The following PCDH11X variants were observed in gnomAD, a reference collection of about 807,000 sequenced individuals.
PCDH11X encodes the protein protocadherin-11 X-linked.
PCDH11X carries 18 observed loss-of-function variants against 53.3 expected under a neutral mutation model. The observed-to-expected ratio is 0.34, with a 90% CI of 0.23 to 0.50. The LOEUF (loss-of-function observed/expected upper bound fraction) is 0.50, where lower values mean the gene tolerates loss of function less well. PCDH11X is among the 20% of genes least tolerant of loss of function. PCDH11X has a pLI of 0.98. For synonymous variants in PCDH11X, 279 were observed against 393.3 expected (o/e 0.71, Z 3.44); for missense variants, 570 against 1,032.4 (o/e 0.55, Z 6.14).
intron 6 of PCDH11X, among the ~76,000 whole-genome samples, chrX:91,880,429 G>A (rs1213644852): frequency 1.8e-5 from 2 of 111,168 alleles, no homozygotes; most frequent in Non-Finnish European, 3.8e-5. Context: ...CCAAAAGTTC[G>A]AGATATTAAA....
At chrX:92,411,193 C>A (rs2071638062) in intron 9 of PCDH11X, among the ~76,000 whole-genome samples, 1 of 109,788 alleles carries the variant, frequency 9.1e-6, no homozygotes, top group Non-Finnish European at 1.9e-5. Flanking sequence ...TTGAGTAGGT[C>A]AATGCTATAA....
intron 6 of PCDH11X, among the ~76,000 whole-genome samples, chrX:91,944,010 T>G (rs1389536202): frequency 1.1e-5 from 1 of 90,237 alleles, no homozygotes; most frequent in African/African-American, 3.9e-5. Context: ...ATCCCAAAGC[T>G]GTATCTCCTG....
chrX:92,449,109 A>G (rs965861349), intron 9 of PCDH11X, among the ~76,000 whole-genome samples: 10 of 111,944 alleles, frequency 8.9e-5, no homozygotes, highest in African/African-American at 3.2e-4. Flanking sequence ...TTGATTCAGA[A>G]AAGATAGATC....
chrX:92,485,952 A>G (rs997242452), intron 10 of PCDH11X, among the ~76,000 whole-genome samples: 9 of 110,952 alleles, frequency 8.1e-5, no homozygotes, highest in Non-Finnish European at 1.1e-4. Flanking sequence ...TTGTATTATA[A>G]TAGATTATCA....
chrX:92,550,936 A>G (rs1335626236), intron 10 of PCDH11X, among the ~76,000 whole-genome samples: 1 of 109,717 alleles, frequency 9.1e-6, no homozygotes, highest in African/African-American at 3.3e-5. Context: ...TTTTATGGCT[A>G]AATAGTACTC....
Position 92,215,124 on chromosome X carries a change from C to T in PCDH11X, c.3114+13669C>T, listed in dbSNP as rs746869811. 4.1e-3 allele frequency among the ~76,000 whole-genome samples: 456 copies of T among 111,173 alleles called. 2 individuals carry two copies. Among genetic ancestry groups the T allele is most frequent in the Non-Finnish European group, 7.0e-3 (369 of 52,959 alleles). On this transcript the variant is annotated intron_variant, in intron 7 of 10. Transcript: ENST00000682573. Reference sequence around the variant, plus strand: ...GGTCTACAGCTCCCAGCGTGAGCGACGCAGAAGACGGGTGATTTCTGCATT... The same window carrying T: ...GGTCTACAGCTCCCAGCGTGAGCGATGCAGAAGACGGGTGATTTCTGCATT...
chrX:92,609,653 G>C (rs1927160607), intron 10 of PCDH11X, among the ~76,000 whole-genome samples: 1 of 110,126 alleles, frequency 9.1e-6, no homozygotes, highest in Non-Finnish European at 1.9e-5. Flanking sequence ...GATTCAGGGG[G>C]TACATGTGCA....
intron 6 of PCDH11X, among the ~76,000 whole-genome samples, chrX:92,123,563 C>T (rs1166594612): frequency 3.7e-5 from 4 of 107,422 alleles, no homozygotes; most frequent in Non-Finnish European, 5.7e-5. Flanking sequence ...CTAATACTGG[C>T]CCAGTTTCTC....
chrX:91,968,260 T>A (rs1483488203), intron 6 of PCDH11X, among the ~76,000 whole-genome samples: 1 of 111,692 alleles, frequency 9.0e-6, no homozygotes, highest in Admixed American at 9.5e-5. Context: ...TGTGCTGTTT[T>A]AATATTTTTT....
chrX:92,478,676 T>G (rs2073440305), intron 10 of PCDH11X, among the ~76,000 whole-genome samples: 2 of 111,263 alleles, frequency 1.8e-5, no homozygotes, highest in African/African-American at 6.5e-5. Context: ...CATTTAATTG[T>G]ATGGTTGTGA....
chrX:92,509,679 A>G (rs1410342946), intron 10 of PCDH11X, among the ~76,000 whole-genome samples: 3 of 111,506 alleles, frequency 2.7e-5, no homozygotes, highest in Admixed American at 9.6e-5. Context: ...ATGTGGGGAA[A>G]CGTGAGGATA....
intron 6 of PCDH11X, among the ~76,000 whole-genome samples, chrX:92,052,230 C>A (rs1325951084): frequency 9.0e-6 from 1 of 110,860 alleles, no homozygotes; most frequent in Non-Finnish European, 1.9e-5. Context: ...CTATAGTAGG[C>A]ACAATATTTT....
intron 6 of PCDH11X, among the ~76,000 whole-genome samples, chrX:91,941,331 CT>C (rs778491021): frequency 9.0e-6 from 1 of 111,450 alleles, no homozygotes; most frequent in East Asian, 2.9e-4. Context: ...TGTAGGCTCT[CT>C]ATAAAAATGC....
chrX:92,132,675 GTATATATATATGTA>G (rs2065013064), intron 6 of PCDH11X, among the ~76,000 whole-genome samples: 8 of 49,485 alleles, frequency 1.6e-4, no homozygotes, highest in African/African-American at 8.6e-4. Context: ...ATATGTATAT[GTATATATATATGTA>G]TATATATATA....
intron 10 of PCDH11X, among the ~76,000 whole-genome samples, chrX:92,531,063 A>G (rs185605120): frequency 0.04 from 4,473 of 111,022 alleles, 80 homozygotes; most frequent in South Asian, 0.11. Context: ...GCTTCCTTAA[A>G]CCACATAAAA....
intron 6 of PCDH11X, among the ~76,000 whole-genome samples, chrX:92,088,208 C>A (rs1444163904): frequency 3.6e-5 from 4 of 110,004 alleles, no homozygotes; most frequent in Non-Finnish European, 5.7e-5. Flanking sequence ...GTGATAGGAT[C>A]TTTAGGATAT....
At chrX:92,205,927 A>G (rs1473712461) in intron 7 of PCDH11X, among the ~76,000 whole-genome samples, 2 of 111,789 alleles carry the variant, frequency 1.8e-5, no homozygotes, top group African/African-American at 6.5e-5. Context: ...TTATCTAACC[A>G]AGTAGTTATT....
chrX:92,132,375 C>T (rs1468509236), intron 6 of PCDH11X, among the ~76,000 whole-genome samples: 2 of 93,806 alleles, frequency 2.1e-5, no homozygotes, highest in African/African-American at 7.9e-5. Context: ...TTGGTGAGGC[C>T]GAGGCAGTTG....
Position 91,961,697 on chromosome X carries a change from C to A in PCDH11X, c.3033+82424C>A, listed in dbSNP as rs2061789919. Among the ~76,000 whole-genome samples the A allele has an allele frequency of 1.9e-5, 2 of 105,548 alleles. 1 individual carries two copies. The highest frequency in any genetic ancestry group is 9.0e-4 in the South Asian group (2 of 2,232). The allele number at this position is 105,548 out of a possible 115,157, so 91.7% of individuals were successfully genotyped here. ...AAAGGAGAAATTTTAAAAGCAATAC[C>A]ATTTACAGTTGGGTATTAGTCTCTT... On this transcript the variant is annotated intron_variant, in intron 6 of 10. Transcript: ENST00000682573.
Sources: allele counts gnomAD v4.1 joint callset (sites outside exome capture counted in the v4.1 genomes callset), GRCh38; gene constraint gnomAD v4.1.1; transcripts MANE v1.5; gene names NCBI Gene and HGNC (gene_info 2026-07-23, HGNC 2026-07-21).